Variants in ROBO2 observed in about 807,000 individuals in gnomAD.
The protein encoded by ROBO2 is roundabout homolog 2.
A neutral mutation model predicts 160.8 loss-of-function variants in ROBO2; 53 were observed. The observed-to-expected ratio is 0.33, with a 90% CI of 0.26 to 0.41. The LOEUF (loss-of-function observed/expected upper bound fraction) is 0.41, where lower values mean the gene tolerates loss of function less well. Ranked by LOEUF, ROBO2 falls within the 10% of genes least tolerant of loss-of-function variation. The pLI, the probability that ROBO2 is intolerant of heterozygous loss-of-function variation, is 1.00. For synonymous variants in ROBO2, 664 were observed against 611.7 expected (o/e 1.09, Z -1.26); for missense variants, 1,577 against 1,722.4 (o/e 0.92, Z 1.49).
intron 4 of ROBO2, among the ~76,000 whole-genome samples, chr3:77,487,018 A>G (rs2085449750): frequency 6.6e-6 from 1 of 152,148 alleles, no homozygotes; most frequent in Admixed American, 6.5e-5. Flanking sequence ...AGAACTAACC[A>G]TTTTGGGGAA....
intron 1 of ROBO2, among the ~76,000 whole-genome samples, chr3:77,067,934 G>GT (rs1463792982): frequency 6.6e-6 from 1 of 151,964 alleles, no homozygotes; most frequent in Non-Finnish European, 1.5e-5. Flanking sequence ...ATAATTATTA[G>GT]TTTTTTCTAG....
intron 2 of ROBO2, among the ~76,000 whole-genome samples, chr3:76,463,109 T>C (rs1023378070): frequency 6.6e-6 from 1 of 152,092 alleles, no homozygotes; most frequent in Non-Finnish European, 1.5e-5. Context: ...ATGGCCTATA[T>C]CCAAGGCTGC....
intron 2 of ROBO2, among the ~76,000 whole-genome samples, chr3:76,346,428 C>G (rs538185165): frequency 1.3e-5 from 2 of 152,132 alleles, no homozygotes; most frequent in African/African-American, 4.8e-5. Flanking sequence ...CTTTTGAAAA[C>G]TGAGGTCAAG....
intron 2 of ROBO2, among the ~76,000 whole-genome samples, chr3:76,516,435 G>A (rs563822326): frequency 3.9e-5 from 6 of 152,168 alleles, no homozygotes; most frequent in Admixed American, 1.3e-4. Context: ...ATGTGACCCC[G>A]AACACATTGT....
chr3:76,327,153 A>G lies in ROBO2; in HGVS notation c.109+389551A>G, dbSNP rs190857215. Among the ~76,000 whole-genome samples, 1,500 of 152,262 alleles carry G rather than the reference A, an allele frequency of 9.9e-3. 31 individuals are homozygous for G. The highest frequency in any genetic ancestry group is 0.034 in the African/African-American group (1,424 of 41,560). On this transcript the variant is annotated intron_variant, in intron 2 of 26. Transcript: ENST00000487694. ...CCCAAGGAGCATTTTATAAAAGAGC[A>G]CCAATTTACATGCCAAACTGATTTG...
At chr3:76,620,704 T>G (rs1185406643) in intron 2 of ROBO2, among the ~76,000 whole-genome samples, 1 of 152,184 alleles carries the variant, frequency 6.6e-6, no homozygotes, top group Non-Finnish European at 1.5e-5. Flanking sequence ...TTCTATACAT[T>G]ATGGCCAGTG....
rs371251878 is a variant in ROBO2 at position 77,379,105 on chromosome 3, G to T, written c.389-98309G>T. ...TGGGATTACAGGCACATGCCACCACGCCCAGCTAAGTTTTGTATTTTTAGT... is the reference window on the plus strand; with the variant it reads ...TGGGATTACAGGCACATGCCACCACTCCCAGCTAAGTTTTGTATTTTTAGT... On this transcript the variant is annotated intron_variant, in intron 2 of 25. Coordinates refer to ENST00000461745, the Ensembl canonical transcript of ROBO2. Among the ~76,000 whole-genome samples the T allele has an allele frequency of 2.0e-3, 298 of 152,066 alleles. 2 individuals are homozygous for T. Among genetic ancestry groups the T allele is most frequent in the African/African-American group, 6.8e-3 (281 of 41,500 alleles).
chr3:77,266,399 A>G (rs1283185849), intron 2 of ROBO2, among the ~76,000 whole-genome samples: 3 of 151,972 alleles, frequency 2.0e-5, no homozygotes, highest in Non-Finnish European at 2.9e-5. Context: ...TTTTCCTTCT[A>G]GAACTGTACT....
chr3:76,183,196 G>A (rs1701594094), intron 2 of ROBO2, among the ~76,000 whole-genome samples: 1 of 152,126 alleles, frequency 6.6e-6, no homozygotes, highest in African/African-American at 2.4e-5. Context: ...TAGGACAGCA[G>A]TCTTAGGACA....
At chr3:75,925,106 G>A (rs1346852300) in intron 1 of ROBO2, among the ~76,000 whole-genome samples, 1 of 151,906 alleles carries the variant, frequency 6.6e-6, no homozygotes, top group Non-Finnish European at 1.5e-5. Flanking sequence ...AAAACGGGCG[G>A]GGCCGGCTGG....
intron 2 of ROBO2, among the ~76,000 whole-genome samples, chr3:76,944,895 CT>C (rs764903706): frequency 3.6e-3 from 512 of 143,740 alleles, no homozygotes; most frequent in Middle Eastern, 7.3e-3. Flanking sequence ...GCTGTGATGG[CT>C]TTTTTTTTTT....
chr3:76,631,602 T>C (rs2090036034), intron 2 of ROBO2, among the ~76,000 whole-genome samples: 1 of 151,398 alleles, frequency 6.6e-6, no homozygotes, highest in Non-Finnish European at 1.5e-5. Flanking sequence ...TGGATCCCTA[T>C]GAAATCAGGA....
chr3:76,780,061 T>C (rs2062532983), intron 2 of ROBO2, among the ~76,000 whole-genome samples: 1 of 150,878 alleles, frequency 6.6e-6, no homozygotes, highest in South Asian at 2.1e-4. Flanking sequence ...TCAACACTAA[T>C]TATCTTTGGT....
At chr3:77,040,705 C>G in exon 1 of ROBO2, 1 of 1,609,952 alleles carries the variant, frequency 6.2e-7, no homozygotes, top group Non-Finnish European at 8.5e-7. Context: ...GGACCTACCT[C>G]TTTTTTTGAT....
At chr3:76,970,249 G>T (rs1164889613) in intron 2 of ROBO2, among the ~76,000 whole-genome samples, 1 of 152,092 alleles carries the variant, frequency 6.6e-6, no homozygotes, top group East Asian at 1.9e-4. Flanking sequence ...GCTTTCTCAA[G>T]GGCCTACCTC....
intron 2 of ROBO2, among the ~76,000 whole-genome samples, chr3:76,130,859 T>A (rs2071196831): frequency 6.6e-6 from 1 of 152,180 alleles, no homozygotes; most frequent in Non-Finnish European, 1.5e-5. Context: ...TTTTTCAATA[T>A]TAATGATGAA....
chr3:77,595,993 A>G (rs565405816), intron 18 of ROBO2, among the ~76,000 whole-genome samples: 173 of 152,252 alleles, frequency 1.1e-3, no homozygotes, highest in African/African-American at 3.9e-3. Flanking sequence ...TATGACGTGA[A>G]GGAAATTTTA....
At chr3:77,003,476 T>C (rs181649118) in intron 2 of ROBO2, among the ~76,000 whole-genome samples, 4 of 152,356 alleles carry the variant, frequency 2.6e-5, no homozygotes, top group Admixed American at 2.6e-4. Context: ...TCTTTGTTTT[T>C]TTCCCATGCC....
chr3:76,922,924 G>A (rs933259518), intron 2 of ROBO2, among the ~76,000 whole-genome samples: 4 of 152,088 alleles, frequency 2.6e-5, no homozygotes, highest in African/African-American at 9.7e-5. Context: ...TTCCTGACAG[G>A]GTGCAAAAGT....
Sources: gnomAD v4.1 joint callset for allele counts (sites outside exome capture counted in the v4.1 genomes callset) on GRCh38, gnomAD v4.1.1 for gene constraint, MANE v1.5 for transcripts, NCBI Gene and HGNC (gene_info 2026-07-23, HGNC 2026-07-21) for gene names.